Variants in CHD6 observed in about 807,000 individuals in gnomAD.
The protein encoded by CHD6 is ATP-dependent chromatin remodeler CHD6.
In CHD6, 50 loss-of-function variants were observed where a neutral mutation model predicts 276.9. The ratio of observed to expected loss-of-function variants is 0.18; its 90% confidence interval spans 0.14 to 0.23. The LOEUF (loss-of-function observed/expected upper bound fraction) is 0.23. CHD6 is among the 10% of genes least tolerant of loss of function. The pLI, the probability that CHD6 is intolerant of heterozygous loss-of-function variation, is 1.00. For synonymous variants in CHD6, 1,173 were observed against 1,229.3 expected (o/e 0.95, Z 0.96); for missense variants, 2,564 against 3,365.8 (o/e 0.76, Z 5.89).
At chr20:41,471,812 G>C (rs150479532) in intron 17 of CHD6, among the ~76,000 whole-genome samples, 102 of 152,268 alleles carry the variant, frequency 6.7e-4, no homozygotes, top group African/African-American at 2.4e-3. Flanking sequence ...TGGGATTACA[G>C]GCATAAGCCA....
At chr20:41,409,306 T>C (rs1194426435) in intron 36 of CHD6, among the ~76,000 whole-genome samples, 3 of 152,066 alleles carry the variant, frequency 2.0e-5, no homozygotes, top group African/African-American at 7.2e-5. Context: ...TCCCTCCTGG[T>C]AATTATACCC....
intron 8 of CHD6, chr20:41,497,171 G>C: frequency 1.9e-6 from 1 of 530,892 alleles, no homozygotes; most frequent in Non-Finnish European, 3.4e-6. Flanking sequence ...GCCGTTATGA[G>C]TTGTCAGTTT....
At chr20:41,561,697 C>A (rs2045303116) in intron 1 of CHD6, among the ~76,000 whole-genome samples, 1 of 152,166 alleles carries the variant, frequency 6.6e-6, no homozygotes, top group African/African-American at 2.4e-5. Context: ...GAAAATGTTT[C>A]TATTCTATCT....
At chr20:41,435,122 T>C (rs2047665598) in intron 27 of CHD6, among the ~76,000 whole-genome samples, 1 of 151,726 alleles carries the variant, frequency 6.6e-6, no homozygotes. Context: ...CCTAAATAAT[T>C]CATGGAAAGT....
chr20:41,471,096 G>A (rs1323864965), intron 17 of CHD6, among the ~76,000 whole-genome samples: 1 of 152,224 alleles, frequency 6.6e-6, no homozygotes, highest in Non-Finnish European at 1.5e-5. Flanking sequence ...AAAAGGGCCT[G>A]ATAGTAAATA....
chr20:41,576,672 T>TC (rs1413135978), intron 1 of CHD6, among the ~76,000 whole-genome samples: 3 of 151,840 alleles, frequency 2.0e-5, no homozygotes, highest in Non-Finnish European at 2.9e-5. Flanking sequence ...AGACTCTGTC[T>TC]CCCCCCAGCA....
intron 1 of CHD6, among the ~76,000 whole-genome samples, chr20:41,597,188 G>A (rs927938615): frequency 6.6e-6 from 1 of 152,176 alleles, no homozygotes; most frequent in Non-Finnish European, 1.5e-5. Context: ...GGCCTTTGAA[G>A]AAGAATAGGG....
At chr20:41,471,748 G>T (rs1272134714) in intron 17 of CHD6, among the ~76,000 whole-genome samples, 3 of 151,958 alleles carry the variant, frequency 2.0e-5, no homozygotes, top group African/African-American at 7.3e-5. Context: ...TGTTAGTCAG[G>T]ATGGTCTCAA....
chr20:41,607,654 G>C (rs1601192281), intron 1 of CHD6, among the ~76,000 whole-genome samples: 1 of 151,508 alleles, frequency 6.6e-6, no homozygotes, highest in Admixed American at 6.6e-5. Flanking sequence ...GCTCCATGAA[G>C]ACACGGGTCT....
intron 24 of CHD6, among the ~76,000 whole-genome samples, chr20:41,446,818 A>T (rs1201093016): frequency 2.0e-5 from 3 of 152,180 alleles, no homozygotes; most frequent in Non-Finnish European, 4.4e-5. Flanking sequence ...GAGACAGAGG[A>T]ACGCAGAGGA....
chr20:41,466,443 T>C lies in CHD6; in HGVS notation c.2664+6879A>G, dbSNP rs2042922457. Among the ~76,000 whole-genome samples, 3 of 152,322 alleles carry C rather than the reference T, an allele frequency of 2.0e-5. No individual in the cohort carries two copies. In the South Asian group the frequency reaches 6.2e-4, roughly 32 times the overall value. On this transcript the variant is annotated intron_variant, in intron 17 of 36. Transcript: ENST00000373233. ...ATATTACAGTTTATTCAATTAGTCA[T>C]CTATTGCTGAACAATTCAGTTGTGT... is the stretch of plus-strand genomic sequence containing the variant.
chr20:41,526,148 TAA>T (rs1382825235), intron 3 of CHD6, among the ~76,000 whole-genome samples: 1 of 144,686 alleles, frequency 6.9e-6, no homozygotes, highest in Non-Finnish European at 1.5e-5. Flanking sequence ...CTGATGCTCT[TAA>T]AAAAAAAAAC....
At chr20:41,494,090 C>T (rs1278144663) in intron 8 of CHD6, 146 bp from the exon 9 acceptor site, 3 of 598,756 alleles carry the variant, frequency 5.0e-6, no homozygotes, top group African/African-American at 1.9e-5. Context: ...AAAGTCACGG[C>T]ATTTATTCAC....
chr20:41,562,437 G>T (rs2045311183), intron 1 of CHD6, among the ~76,000 whole-genome samples: 1 of 151,858 alleles, frequency 6.6e-6, no homozygotes, highest in Non-Finnish European at 1.5e-5. Flanking sequence ...TTCAAGCTCT[G>T]GCTGAGAATA....
intron 29 of CHD6, among the ~76,000 whole-genome samples, chr20:41,424,442 AG>A (rs1282489750): frequency 2.0e-5 from 3 of 152,230 alleles, no homozygotes; most frequent in African/African-American, 7.2e-5. Context: ...GAGGGGTTAG[AG>A]AAAGAGTGAG....
chr20:41,497,326 C>T, intron 8 of CHD6, 58 bp downstream of exon 8: 1 of 1,060,986 alleles, frequency 9.4e-7, no homozygotes, highest in Non-Finnish European at 1.5e-6. Context: ...AACGTAAACA[C>T]AGTATTTACT....
At chr20:41,479,705 G>C (rs2043252558) in intron 16 of CHD6, among the ~76,000 whole-genome samples, 1 of 151,974 alleles carries the variant, frequency 6.6e-6, no homozygotes, top group African/African-American at 2.4e-5. Flanking sequence ...TATTAAAAAT[G>C]GAAAAATTAC....
At position 41,571,649 on chromosome 20, in the gene CHD6, A is replaced by T. The variant is rs182394165; in HGVS notation, c.-23-20289T>A. On this transcript the variant is annotated intron_variant, in intron 1 of 36. Coordinates refer to ENST00000373233, the MANE Select transcript of CHD6 (RefSeq NM_032221.5). ...TTAGTATTTTTGTTGAATGAATTAG[A>T]TATCTATTTTTAGACATTAAGTTAG... Among the ~76,000 whole-genome samples, 51 of 151,884 alleles carry T rather than the reference A, an allele frequency of 3.4e-4. 1 individual carries two copies. The highest frequency in any genetic ancestry group is 1.5e-5 in the Non-Finnish European group (1 of 67,954).
intron 36 of CHD6, 83 bp from the exon 37 acceptor site, chr20:41,405,572 T>A: frequency 4.7e-6 from 5 of 1,066,022 alleles, no homozygotes; most frequent in Non-Finnish European, 6.8e-6. Flanking sequence ...GGCTCTGCAC[T>A]GGCCTGGCCT....
Sources: gnomAD v4.1 joint callset for allele counts (sites outside exome capture counted in the v4.1 genomes callset) on GRCh38, gnomAD v4.1.1 for gene constraint, MANE v1.5 for transcripts, NCBI Gene and HGNC (gene_info 2026-07-23, HGNC 2026-07-21) for gene names.